The following TCTN1 variants were observed in gnomAD, a reference collection of about 807,000 sequenced individuals.
TCTN1 encodes tectonic family member 1, also known as tectonic-1.
Under a neutral mutation model 65.8 loss-of-function variants are expected in TCTN1, and 58 were observed. The ratio of observed to expected loss-of-function variants is 0.88; its 90% CI spans 0.71 to 1.10. TCTN1 has a LOEUF of 1.10. Among genes scored for constraint, TCTN1 ranks in the 50% least tolerant of loss-of-function variants. The pLI is 0.00. For missense variants in TCTN1, 645 were observed against 719.4 expected (o/e 0.90, Z 1.18); for synonymous variants, 273 against 289.1 (o/e 0.94, Z 0.57).
chr12:110,640,419 C>G lies in TCTN1; in HGVS notation c.880C>G (p.Leu294Val). The change falls in exon 8 of 15, where the codon CTA becomes GTA. Residue 294 changes from leucine (L) to valine (V), a missense_variant. Leu to Val is a conservative substitution (Grantham distance 32). Transcript: ENST00000397659. This position sits in a 1 kb window ranked among gnomAD's most constrained non-coding sequence, Gnocchi z 4.9. ...ITVQSIVIQSLNKTLTRREDT... is the reference protein window; with the variant it reads ...ITVQSIVIQSVNKTLTRREDT... ...TGTTCAGTCCATCGTCATTCAGTCT[C>G]TAAATAAAACGCTCACCCGACGGGA... 1 of 1,614,148 alleles carries G rather than the reference C, an allele frequency of 6.2e-7. No individual in the cohort carries two copies. Among genetic ancestry groups the G allele is most frequent in the Non-Finnish European group, 8.5e-7 (1 of 1,180,004 alleles).
intron 3 of TCTN1, 106 bp from the exon 4 acceptor site, chr12:110,628,661 C>T: frequency 9.9e-7 from 1 of 1,013,514 alleles, no homozygotes; most frequent in Admixed American, 2.4e-5. Context: ...TTGTTTTTTA[C>T]ATCAGCCTTG....
At chr12:110,645,701 C>T (rs981209616) in intron 12 of TCTN1, 1 of 161,674 alleles carries the variant, frequency 6.2e-6, no homozygotes, top group Admixed American at 5.8e-5. Flanking sequence ...GATAGGTTCC[C>T]GGTCACACAT....
Position 110,632,517 on chromosome 12 carries a change from T to G in TCTN1, c.670T>G (p.Ser224Ala). Residue 224 changes from serine (S) to alanine (A), a missense_variant, in exon 5 of 15, where the codon TCG becomes GCG. By Grantham distance (99) the Ser-to-Ala change is moderately conservative (BLOSUM62 1). Coordinates refer to ENST00000397659, the MANE Select transcript of TCTN1 (RefSeq NM_001082538.3). ...QTSDSFLRFPSSLTSSLCTDN... is the reference protein window; with the variant it reads ...QTSDSFLRFPASLTSSLCTDN... ...TTCAGATTCGTTTCTGAGATTTCCT[T>G]CGTCCCTGACATCATCTCTGTGCAC... The G allele has an allele frequency of 2.5e-6, 4 of 1,614,128 alleles. No individual in the cohort carries two copies. The highest frequency in any genetic ancestry group is 3.4e-6 in the Non-Finnish European group (4 of 1,179,976).
intron 2 of TCTN1, among the ~76,000 whole-genome samples, chr12:110,621,241 C>A (rs752919633): frequency 6.6e-6 from 1 of 152,046 alleles, no homozygotes; most frequent in Non-Finnish European, 1.5e-5. Flanking sequence ...ATAGGTGAAC[C>A]CTTTTAAGAA....
chr12:110,640,387 C>G lies in TCTN1; in HGVS notation c.848C>G (p.Pro283Arg). The G allele has an allele frequency of 6.2e-7, 1 of 1,614,142 alleles. No individual in the cohort carries two copies. The highest frequency in any genetic ancestry group is 2.2e-5 in the East Asian group (1 of 44,886). Residue 283 changes from proline to arginine, a missense_variant, in exon 8 of 15, where the codon CCT (proline) becomes CGT (arginine). Pro to Arg is a moderately radical substitution (Grantham distance 103). Coordinates refer to ENST00000397659, the MANE Select transcript of TCTN1 (RefSeq NM_001082538.3). The surrounding 1 kb of genome is among the most constrained non-coding windows in gnomAD (Gnocchi z 4.9). ...CTCCAGGTCTTCACTCTGCAGGTCC[C>G]TATCACTGTTCAGTCCATCGTCATT... The part of the protein sequence containing the change: ...LRVPDSRKKV[P>R]ITVQSIVIQS...
intron 11 of TCTN1, among the ~76,000 whole-genome samples, chr12:110,642,639 C>T (rs1476585443): frequency 6.6e-6 from 1 of 152,118 alleles, no homozygotes; most frequent in East Asian, 1.9e-4. Flanking sequence ...CTCGCTCTGT[C>T]TCCTAGGCTG....
Position 110,649,194 on chromosome 12 carries a change from C to T in TCTN1, c.*153C>T, listed in dbSNP as rs1416364873. ...GTGTTCAACATGAGAAAATGTGATA[C>T]ATTTGATACAGTGTGGGGTGGGAGT... On this transcript the variant is annotated 3_prime_UTR_variant, in exon 15 of 15. Transcript: ENST00000397659. 1 of 683,302 alleles carries T rather than the reference C, an allele frequency of 1.5e-6. No homozygotes were observed. The highest frequency in any genetic ancestry group is 2.7e-5 in the East Asian group (1 of 37,018). 42.3% of individuals were successfully genotyped at this position (683,302 alleles called of 1,614,324 possible).
In TCTN1 at chr12:110,640,598, C is replaced by T. The variant is rs74451397; in HGVS notation, c.978+81C>T. Reference sequence around the variant, plus strand: ...TGCGCCGGGGTAACTGGACGCCCTCCGAGGACGCTCTGTCCCAGCCCATGG... The same window carrying T: ...TGCGCCGGGGTAACTGGACGCCCTCTGAGGACGCTCTGTCCCAGCCCATGG... On this transcript the variant is annotated intron_variant, in intron 8 of 14. Transcript: ENST00000397659. This position sits in a 1 kb window ranked among gnomAD's most constrained non-coding sequence, Gnocchi z 4.9. 8.1e-6 allele frequency: 13 copies of T among 1,598,190 alleles called. No individual in the cohort carries two copies. The highest frequency in any genetic ancestry group is 6.7e-5 in the Admixed American group (4 of 59,880).
intron 12 of TCTN1, chr12:110,646,359 G>A (rs1423127618): frequency 6.6e-6 from 1 of 152,074 alleles, no homozygotes; most frequent in African/African-American, 2.4e-5. Context: ...TAGCAGGCCT[G>A]TGAGGTTTTC....
Position 110,648,877 on chromosome 12 carries a change from C to G in TCTN1, c.*2-166C>G, listed in dbSNP as rs947724879. The G allele has an allele frequency of 1.0e-5, 4 of 383,286 alleles. 1 individual carries two copies. The highest frequency in any genetic ancestry group is 1.8e-3 in the Middle Eastern group (2 of 1,104). 23.7% of individuals were successfully genotyped at this position (383,286 alleles called of 1,614,324 possible). On this transcript the variant is annotated intron_variant, in intron 14 of 14. Transcript: ENST00000397659. Reference sequence around the variant, plus strand: ...AAAAATGTTGTCAGGTGGCAGAAAACAATGGAGCCACCTAGAAGCTGGCTG... The same window carrying G: ...AAAAATGTTGTCAGGTGGCAGAAAAGAATGGAGCCACCTAGAAGCTGGCTG...
chr12:110,628,176 G>T (rs1352880787), intron 3 of TCTN1: 3 of 1,535,924 alleles, frequency 2.0e-6, no homozygotes, highest in Admixed American at 2.0e-5. Flanking sequence ...CAGTCCAGGG[G>T]CTAGAGAAAT....
intron 12 of TCTN1, chr12:110,646,341 A>G (rs1248242100): frequency 1.3e-5 from 2 of 152,020 alleles, no homozygotes; most frequent in African/African-American, 2.4e-5. Flanking sequence ...TTTCGCAGCC[A>G]CCAAATTTAG....
At chr12:110,626,278 A>C in intron 2 of TCTN1, 84 bp from the exon 3 acceptor site, 2 of 1,422,714 alleles carry the variant, frequency 1.4e-6, no homozygotes, top group Non-Finnish European at 1.9e-6. Context: ...GTACAGTACA[A>C]GCATCTGACA....
Position 110,632,458 on chromosome 12 carries a change from T to G in TCTN1, c.625-14T>G, listed in dbSNP as rs1429621593. ...TAATTACACCATAACGACTGTTGGTTGTTGTGTTTGCAGTATGGGGTTCCT... is the reference window on the plus strand; with the variant it reads ...TAATTACACCATAACGACTGTTGGTGGTTGTGTTTGCAGTATGGGGTTCCT... On this transcript the variant is annotated splice_polypyrimidine_tract_variant and intron_variant, in intron 4 of 14. Transcript: ENST00000397659. 1 of 1,613,596 alleles carries G rather than the reference T, an allele frequency of 6.2e-7. No homozygotes were observed.
At chr12:110,648,314 C>T (rs555367571) in intron 14 of TCTN1, among the ~76,000 whole-genome samples, 1 of 152,328 alleles carries the variant, frequency 6.6e-6, no homozygotes, top group Non-Finnish European at 1.5e-5. Context: ...AACCAGCACA[C>T]TGCCCTTCTC....
At chr12:110,615,346 G>A (rs531049590) in intron 1 of TCTN1, among the ~76,000 whole-genome samples, 35 of 152,262 alleles carry the variant, frequency 2.3e-4, no homozygotes, top group Middle Eastern at 3.4e-3. Flanking sequence ...TTGTGAATAT[G>A]CCTTTTCCTG....
At chr12:110,623,264 C>T (rs1426984432) in intron 2 of TCTN1, among the ~76,000 whole-genome samples, 2 of 152,218 alleles carry the variant, frequency 1.3e-5, no homozygotes, top group African/African-American at 2.4e-5. Context: ...TCAGAGTTTC[C>T]CAAAGACCAT....
chr12:110,637,332 A>T (rs906991756), intron 7 of TCTN1, among the ~76,000 whole-genome samples: 4 of 152,190 alleles, frequency 2.6e-5, no homozygotes, highest in Non-Finnish European at 5.9e-5. Flanking sequence ...CGGGATGGGG[A>T]TGCACTGGCT....
chr12:110,647,363 A>G, intron 13 of TCTN1, 27 bp downstream of exon 13: 2 of 1,613,878 alleles, frequency 1.2e-6, no homozygotes, highest in South Asian at 1.1e-5. Flanking sequence ...TTAAAGGCAT[A>G]GGTTAAGACA....
Sources: allele counts gnomAD v4.1 joint callset (sites outside exome capture counted in the v4.1 genomes callset), GRCh38; gene constraint gnomAD v4.1.1; non-coding constraint Gnocchi (gnomAD v3.1); transcripts MANE v1.5; gene names NCBI Gene and HGNC (gene_info 2026-07-23, HGNC 2026-07-21).